Variants in SYN3 observed in about 807,000 individuals in gnomAD.
SYN3 encodes the protein synapsin-3.
SYN3 carries 35 observed loss-of-function variants against 65.8 expected under a neutral mutation model. That is an observed-to-expected ratio of 0.53 (90% CI 0.41 to 0.70). The LOEUF is 0.70. Ranked by LOEUF, SYN3 falls within the 30% of genes least tolerant of loss-of-function variation. The probability of loss-of-function intolerance (pLI) is 0.00; values close to 1 mark genes in which losing one functional copy is unlikely to be tolerated. For missense variants in SYN3, 680 were observed against 749.0 expected (o/e 0.91, Z 1.08); for synonymous variants, 270 against 292.9 (o/e 0.92, Z 0.80).
Position 32,543,481 on chromosome 22 carries a change from G to T in SYN3, c.775-1768C>A, listed in dbSNP as rs553000931. Among the ~76,000 whole-genome samples, 4 of 152,286 alleles carry T rather than the reference G, an allele frequency of 2.6e-5. No homozygotes were observed. In the East Asian group the frequency reaches 7.7e-4, roughly 29 times the overall value. On this transcript the variant is annotated intron_variant, in intron 7 of 13. Transcript: ENST00000358763. Reference sequence around the variant, plus strand: ...GCCATCTCTCTTCTTGGCTCTCTGAGTGATGACTCCAGGTCTCAATTTGCA... The same window carrying T: ...GCCATCTCTCTTCTTGGCTCTCTGATTGATGACTCCAGGTCTCAATTTGCA...
intron 7 of SYN3, among the ~76,000 whole-genome samples, chr22:32,569,404 T>TCA (rs2058719299): frequency 1.4e-4 from 9 of 66,490 alleles, no homozygotes; most frequent in African/African-American, 8.3e-4. Context: ...ATCCAAAATC[T>TCA]ATCTATCTAT....
intron 6 of SYN3, among the ~76,000 whole-genome samples, chr22:32,701,605 G>T (rs2147202066): frequency 6.6e-6 from 1 of 152,266 alleles, no homozygotes; most frequent in Non-Finnish European, 1.5e-5. Flanking sequence ...GATGCTCATA[G>T]AATTTATAGA....
At position 32,801,970 on chromosome 22, in the gene SYN3, C is replaced by G; in HGVS notation, c.711+62945G>C. On this transcript the variant is annotated intron_variant, in intron 6 of 13. Transcript: ENST00000358763. The surrounding 1 kb of genome is among the most constrained non-coding windows in gnomAD (Gnocchi z 4.7). ...CGCACGGCAACTTTGGAGAGGCGAG[C>G]AGCAGCCCCGGCAGCGGCGGCAGCA... 1 of 1,577,882 alleles carries G rather than the reference C, an allele frequency of 6.3e-7. No individual in the cohort carries two copies. Among genetic ancestry groups the G allele is most frequent in the Non-Finnish European group, 8.5e-7 (1 of 1,169,696 alleles).
intron 1 of SYN3, among the ~76,000 whole-genome samples, chr22:33,055,171 C>G (rs2054234614): frequency 6.6e-6 from 1 of 152,178 alleles, no homozygotes; most frequent in South Asian, 2.1e-4. Flanking sequence ...AGTTCTCCTC[C>G]CAGAGGCATA....
At chr22:32,920,030 G>A (rs1170079564) in intron 4 of SYN3, among the ~76,000 whole-genome samples, 3 of 152,168 alleles carry the variant, frequency 2.0e-5, no homozygotes, top group Non-Finnish European at 4.4e-5. Flanking sequence ...CTGGGGAGGG[G>A]GAGGATCTGA....
intron 10 of SYN3, among the ~76,000 whole-genome samples, chr22:32,530,355 C>T (rs1290450220): frequency 6.6e-6 from 1 of 152,194 alleles, no homozygotes; most frequent in Non-Finnish European, 1.5e-5. Flanking sequence ...GTACTATTAT[C>T]CTCATTGTAA....
chr22:32,537,377 T>C (rs939898088), intron 9 of SYN3, among the ~76,000 whole-genome samples: 1 of 152,124 alleles, frequency 6.6e-6, no homozygotes, highest in Non-Finnish European at 1.5e-5. Flanking sequence ...CAGGCTGGTC[T>C]TGAACTCCTG....
At chr22:32,528,225 T>C (rs1030100361) in intron 11 of SYN3, among the ~76,000 whole-genome samples, 1 of 152,220 alleles carries the variant, frequency 6.6e-6, no homozygotes, top group Admixed American at 6.5e-5. Flanking sequence ...CGATAAAGCC[T>C]GCCCCGTGCC....
chr22:32,661,355 T>G (rs2060213732), intron 6 of SYN3, among the ~76,000 whole-genome samples: 1 of 152,194 alleles, frequency 6.6e-6, no homozygotes, highest in Non-Finnish European at 1.5e-5. Context: ...CTGGCCAAAG[T>G]CAGCCCGGGA....
At position 32,837,702 on chromosome 22, in the gene SYN3, A is replaced by C. The variant is rs915511089; in HGVS notation, c.711+27213T>G. Reference sequence around the variant, plus strand: ...ACTGTTTGGACACCCATTTGGATACATGCAATCCTAAAGTCTATGGGCAGT... The same window carrying C: ...ACTGTTTGGACACCCATTTGGATACCTGCAATCCTAAAGTCTATGGGCAGT... On this transcript the variant is annotated intron_variant, in intron 6 of 13. Transcript: ENST00000358763. This position sits in a 1 kb window ranked among gnomAD's most constrained non-coding sequence, Gnocchi z 4.1. Among the ~76,000 whole-genome samples the C allele has an allele frequency of 1.3e-5, 2 of 152,128 alleles. No individual in the cohort carries two copies. Among genetic ancestry groups the C allele is most frequent in the Admixed American group, 6.5e-5 (1 of 15,276 alleles).
chr22:32,796,586 C>A (rs2046433242), intron 6 of SYN3, among the ~76,000 whole-genome samples: 2 of 152,136 alleles, frequency 1.3e-5, no homozygotes. Flanking sequence ...TTGCCCAGTG[C>A]TGGGCAGCAG....
intron 6 of SYN3, among the ~76,000 whole-genome samples, chr22:32,638,140 C>T (rs1715709337): frequency 6.6e-6 from 1 of 152,084 alleles, no homozygotes; most frequent in African/African-American, 2.4e-5. Flanking sequence ...CTGCATAGGA[C>T]ATGATTTTGT....
intron 4 of SYN3, among the ~76,000 whole-genome samples, chr22:32,879,280 C>CA (rs957798413): frequency 1.2e-4 from 19 of 152,300 alleles, no homozygotes; most frequent in African/African-American, 4.6e-4. Context: ...ATTTATTTAA[C>CA]AAAAATGTAT....
intron 6 of SYN3, among the ~76,000 whole-genome samples, chr22:32,786,790 T>C (rs1602145821): frequency 6.6e-6 from 1 of 152,180 alleles, no homozygotes; most frequent in Non-Finnish European, 1.5e-5. Flanking sequence ...AAGTGAATTA[T>C]GTCAAAATAA....
chr22:32,927,502 G>C (rs540931842), intron 4 of SYN3, among the ~76,000 whole-genome samples: 9 of 152,004 alleles, frequency 5.9e-5, no homozygotes, highest in Non-Finnish European at 1.0e-4. Flanking sequence ...CACCCACCTG[G>C]CCTCCCAAAG....
intron 6 of SYN3, among the ~76,000 whole-genome samples, chr22:32,650,330 G>A (rs1033365846): frequency 2.1e-5 from 3 of 145,944 alleles, no homozygotes; most frequent in Admixed American, 7.0e-5. Flanking sequence ...GCAGTGGAGC[G>A]ATCACAGTTC....
chr22:32,671,150 A>G (rs1396857579), intron 6 of SYN3, among the ~76,000 whole-genome samples: 1 of 152,072 alleles, frequency 6.6e-6, no homozygotes, highest in Non-Finnish European at 1.5e-5. Flanking sequence ...TTTTTCGTTT[A>G]CAGAGGTTTT....
intron 12 of SYN3, among the ~76,000 whole-genome samples, chr22:32,522,543 A>G (rs2146100938): frequency 6.6e-6 from 1 of 152,316 alleles, no homozygotes; most frequent in South Asian, 2.1e-4. Context: ...CGGAACACTT[A>G]TTACTATAGA....
intron 7 of SYN3, 102 bp from the exon 8 acceptor site, chr22:32,541,815 C>T (rs1274405975): frequency 5.8e-6 from 8 of 1,369,966 alleles, no homozygotes; most frequent in East Asian, 5.0e-5. Flanking sequence ...GAATTCCCTT[C>T]AGAAGGTCAC....
Sources: gnomAD v4.1 joint callset for allele counts (sites outside exome capture counted in the v4.1 genomes callset) on GRCh38, gnomAD v4.1.1 for gene constraint, Gnocchi (gnomAD v3.1) non-coding constraint, MANE v1.5 for transcripts, NCBI Gene and HGNC (gene_info 2026-07-23, HGNC 2026-07-21) for gene names.